TAS2R1: variants seen among roughly 807,000 people sequenced by gnomAD.
TAS2R1 encodes the protein taste 2 receptor member 1.
For missense variants in TAS2R1, 370 were observed against 353.4 expected (o/e 1.05, Z -0.38); for synonymous variants, 141 against 134.2 (o/e 1.05, Z -0.35).
At chr5:9,853,161 A>C in the TAS2R1 span, among the ~76,000 whole-genome samples, 7 of 152,334 alleles carry the variant, frequency 4.6e-5, no homozygotes, top group South Asian at 1.2e-3. Flanking sequence ...AGGCAAGCCC[A>C]AAAATTAGGG....
chr5:9,733,228 C>T, the TAS2R1 span, among the ~76,000 whole-genome samples: 1 of 152,186 alleles, frequency 6.6e-6, no homozygotes, highest in East Asian at 1.9e-4. Flanking sequence ...CCAAATTTTG[C>T]CTTCCATCTG....
intron 1 of TAS2R1, among the ~76,000 whole-genome samples, chr5:9,707,783 A>G (rs911618786): frequency 6.6e-6 from 1 of 152,124 alleles, no homozygotes; most frequent in Non-Finnish European, 1.5e-5. Flanking sequence ...GAACCCTAGC[A>G]CAACTCAGGG....
the TAS2R1 span, among the ~76,000 whole-genome samples, chr5:9,806,165 A>G: frequency 1.3e-5 from 2 of 152,060 alleles, no homozygotes; most frequent in African/African-American, 2.4e-5. Flanking sequence ...AAAAAAAATA[A>G]AATAAAATAC....
the TAS2R1 span, among the ~76,000 whole-genome samples, chr5:9,770,216 T>C: frequency 6.6e-6 from 1 of 152,160 alleles, no homozygotes; most frequent in East Asian, 1.9e-4. Flanking sequence ...AACGAGGTCA[T>C]TGTAAATGTA....
At chr5:9,746,883 T>C in the TAS2R1 span, among the ~76,000 whole-genome samples, 72 of 152,174 alleles carry the variant, frequency 4.7e-4, no homozygotes, top group Middle Eastern at 6.8e-3. Context: ...TGTATACCTA[T>C]GAAACAAACC....
the TAS2R1 span, chr5:9,903,842 C>A: frequency 6.6e-6 from 1 of 152,198 alleles, no homozygotes; most frequent in Non-Finnish European, 1.5e-5. Flanking sequence ...GTGAGGCTTG[C>A]TGCAGCTGCC....
intron 1 of TAS2R1, among the ~76,000 whole-genome samples, chr5:9,670,039 A>G (rs567609188): frequency 2.0e-5 from 3 of 152,236 alleles, no homozygotes; most frequent in African/African-American, 7.2e-5. Context: ...GAAGATAAAA[A>G]TAAACACAAT....
chr5:9,641,557 G>A (rs1410779708), intron 2 of TAS2R1: 1 of 152,206 alleles, frequency 6.6e-6, no homozygotes, highest in African/African-American at 2.4e-5. Context: ...CAGCATTCAT[G>A]TGACTGCTAA....
At chr5:9,633,294 T>TATTATATATATATATATATA (rs1476544403), upstream of TAS2R1, among the ~76,000 whole-genome samples, 1 of 67,818 alleles carries the variant, frequency 1.5e-5, no homozygotes, top group African/African-American at 7.1e-5. Context: ...TGTGTGTATA[T>TATTATATATATATATATATA]TATATATATA....
chr5:9,723,084 C>T, the TAS2R1 span, among the ~76,000 whole-genome samples: 1 of 152,200 alleles, frequency 6.6e-6, no homozygotes, highest in Non-Finnish European at 1.5e-5. Context: ...ATATTTCAGT[C>T]TAGGGTCATA....
At chr5:9,679,468 T>C (rs1740952915) in intron 1 of TAS2R1, among the ~76,000 whole-genome samples, 1 of 152,172 alleles carries the variant, frequency 6.6e-6, no homozygotes. Context: ...AAGAAAAGTT[T>C]CCGACTTAAG....
the TAS2R1 span, among the ~76,000 whole-genome samples, chr5:9,836,117 G>T: frequency 6.6e-6 from 1 of 151,928 alleles, no homozygotes; most frequent in Non-Finnish European, 1.5e-5. Context: ...TTTAAAAAGG[G>T]GAGTTTCCCT....
At chr5:9,667,345 G>A in intron 1 of TAS2R1, among the ~76,000 whole-genome samples, 1 of 152,120 alleles carries the variant, frequency 6.6e-6, no homozygotes, top group South Asian at 2.1e-4. Flanking sequence ...CTCTACCTCT[G>A]CCTGAATTTG....
chr5:9,678,790 G>C lies in TAS2R1; in HGVS notation c.-241-19209C>G, dbSNP rs112346015. Among the ~76,000 whole-genome samples, 8 of 152,204 alleles carry C rather than the reference G, an allele frequency of 5.3e-5. 1 individual carries two copies. Among genetic ancestry groups the C allele is most frequent in the East Asian group, 1.9e-4 (1 of 5,172 alleles). On this transcript the variant is annotated intron_variant, in intron 1 of 2. Coordinates refer to the TAS2R1 transcript ENST00000506620. ...ACACTGGAGCCTGTTGGGGGGTTTG[G>C]GGGAGGGAGAGGATCAGGAATAATA...
chr5:9,665,184 A>G (rs1740607144), intron 1 of TAS2R1, among the ~76,000 whole-genome samples: 1 of 152,134 alleles, frequency 6.6e-6, no homozygotes, highest in Admixed American at 6.5e-5. Flanking sequence ...TCTTTGACAC[A>G]TGACCTCCAT....
At chr5:9,725,794 C>T in the TAS2R1 span, among the ~76,000 whole-genome samples, 4 of 152,236 alleles carry the variant, frequency 2.6e-5, no homozygotes, top group African/African-American at 9.6e-5. Context: ...TGGGCTCCTG[C>T]GTCTGGTGGG....
chr5:9,636,370 T>C (rs893978361), intron 2 of TAS2R1, among the ~76,000 whole-genome samples: 1 of 152,170 alleles, frequency 6.6e-6, no homozygotes, highest in African/African-American at 2.4e-5. Flanking sequence ...ATGGTCTATA[T>C]TGGAGAATGT....
the TAS2R1 span, among the ~76,000 whole-genome samples, chr5:9,748,190 C>A: frequency 6.6e-6 from 1 of 151,980 alleles, no homozygotes; most frequent in Non-Finnish European, 1.5e-5. Flanking sequence ...ACAAATAAAT[C>A]CAAGATTTTC....
At chr5:9,836,879 T>G in the TAS2R1 span, among the ~76,000 whole-genome samples, 2 of 152,160 alleles carry the variant, frequency 1.3e-5, no homozygotes, top group African/African-American at 2.4e-5. Flanking sequence ...GAAACATGCA[T>G]GAGGATCTAA....
Sources: allele counts gnomAD v4.1 joint callset (sites outside exome capture counted in the v4.1 genomes callset), GRCh38; gene constraint gnomAD v4.1.1; transcripts MANE v1.5; gene names NCBI Gene and HGNC (gene_info 2026-07-23, HGNC 2026-07-21).